Variants in KCNH8 observed in about 807,000 individuals in gnomAD.
KCNH8 encodes the protein potassium voltage-gated channel subfamily H member 8.
A neutral mutation model predicts 103.6 loss-of-function variants in KCNH8; 70 were observed. That is an observed-to-expected ratio of 0.68 (90% CI 0.56 to 0.82). KCNH8 has a LOEUF of 0.82. KCNH8 is among the 40% of genes least tolerant of loss of function. KCNH8 has a pLI of 0.00. For missense variants in KCNH8, 1,217 were observed against 1,329.9 expected, an observed-to-expected ratio of 0.92 and a Z score of 1.32; for synonymous variants, 498 against 489.4, an observed-to-expected ratio of 1.02 and a Z score of -0.23.
intron 1 of KCNH8, among the ~76,000 whole-genome samples, chr3:19,151,786 C>G (rs2063132873): frequency 6.6e-6 from 1 of 151,738 alleles, no homozygotes; most frequent in Non-Finnish European, 1.5e-5. Flanking sequence ...GATTGAAAGA[C>G]ACTTGTGGAT....
chr3:19,341,543 T>C (rs1245502274), intron 3 of KCNH8, among the ~76,000 whole-genome samples: 2 of 152,100 alleles, frequency 1.3e-5, no homozygotes, highest in Non-Finnish European at 2.9e-5. Context: ...AAGCAACAAA[T>C]TGGGAACATT....
chr3:19,189,991 A>G (rs902903967), intron 1 of KCNH8, among the ~76,000 whole-genome samples: 4 of 151,978 alleles, frequency 2.6e-5, no homozygotes, highest in East Asian at 1.9e-4. Context: ...GTTGGTGATT[A>G]TTTGATCAGT....
intron 11 of KCNH8, among the ~76,000 whole-genome samples, chr3:19,485,073 T>G (rs1200622849): frequency 6.6e-6 from 1 of 152,216 alleles, no homozygotes; most frequent in Non-Finnish European, 1.5e-5. Flanking sequence ...TCCGGAACTC[T>G]GAGGTCGGTA....
At chr3:19,457,896 T>G in intron 11 of KCNH8, among the ~76,000 whole-genome samples, 1 of 152,018 alleles carries the variant, frequency 6.6e-6, no homozygotes, top group East Asian at 1.9e-4. Flanking sequence ...ACAGTAAGTA[T>G]GTAGATAATA....
At chr3:19,436,040 C>T (rs2067194537) in intron 7 of KCNH8, among the ~76,000 whole-genome samples, 1 of 152,012 alleles carries the variant, frequency 6.6e-6, no homozygotes, top group South Asian at 2.1e-4. Context: ...GGTAACTATG[C>T]AATCGAAAAA....
chr3:19,440,410 A>G (rs561312350), intron 8 of KCNH8, among the ~76,000 whole-genome samples: 1 of 152,272 alleles, frequency 6.6e-6, no homozygotes, highest in South Asian at 2.1e-4. Flanking sequence ...GGTTTAATGG[A>G]TTCACGGTTC....
intron 11 of KCNH8, among the ~76,000 whole-genome samples, chr3:19,507,827 T>C (rs2068721637): frequency 6.6e-6 from 1 of 152,186 alleles, no homozygotes; most frequent in South Asian, 2.1e-4. Flanking sequence ...GGGCAAGGGC[T>C]GCAAGACAGC....
chr3:19,210,858 C>A (rs1483921851), intron 1 of KCNH8, among the ~76,000 whole-genome samples: 1 of 152,060 alleles, frequency 6.6e-6, no homozygotes, highest in East Asian at 1.9e-4. Context: ...AATATTGGAC[C>A]CTGAAAGTAT....
intron 7 of KCNH8, 87 bp downstream of exon 7, chr3:19,395,398 A>G (rs1199739946): frequency 3.6e-6 from 3 of 830,430 alleles, no homozygotes; most frequent in South Asian, 1.7e-5. Flanking sequence ...AGATAAGTCT[A>G]TAAATATATT....
chr3:19,276,756 A>G (rs1464574123), intron 2 of KCNH8, among the ~76,000 whole-genome samples: 1 of 152,158 alleles, frequency 6.6e-6, no homozygotes, highest in Non-Finnish European at 1.5e-5. Flanking sequence ...AATTATAAAT[A>G]TTAGCAAAAA....
At chr3:19,479,478 CA>C (rs1559347536) in intron 11 of KCNH8, among the ~76,000 whole-genome samples, 1 of 152,144 alleles carries the variant, frequency 6.6e-6, no homozygotes, top group Non-Finnish European at 1.5e-5. Context: ...AGGCCATCCT[CA>C]AAAAATCTCT....
At chr3:19,340,259 A>G (rs1198237717) in intron 3 of KCNH8, among the ~76,000 whole-genome samples, 1 of 152,018 alleles carries the variant, frequency 6.6e-6, no homozygotes, top group Non-Finnish European at 1.5e-5. Context: ...AATAGTAGAG[A>G]GATTTTATGA....
chr3:19,517,808 G>A (rs1229929561), intron 14 of KCNH8, among the ~76,000 whole-genome samples, 190 bp from the exon 15 acceptor site: 2 of 152,010 alleles, frequency 1.3e-5, no homozygotes, highest in African/African-American at 4.8e-5. Flanking sequence ...TGTGTGTCCA[G>A]AGAGTATATC....
chr3:19,186,573 C>T (rs1467897601), intron 1 of KCNH8, among the ~76,000 whole-genome samples: 2 of 151,842 alleles, frequency 1.3e-5, no homozygotes, highest in Non-Finnish European at 2.9e-5. Context: ...AAGACATATT[C>T]TTTGATGTGT....
At chr3:19,196,016 A>T (rs893136573) in intron 1 of KCNH8, among the ~76,000 whole-genome samples, 13 of 151,960 alleles carry the variant, frequency 8.6e-5, no homozygotes, top group Admixed American at 5.9e-4. Flanking sequence ...TTCCTTTTTT[A>T]AAAAAATTAA....
intron 8 of KCNH8, among the ~76,000 whole-genome samples, chr3:19,442,175 T>C (rs1417966482): frequency 6.6e-6 from 1 of 152,194 alleles, no homozygotes; most frequent in Non-Finnish European, 1.5e-5. Context: ...AGAGCTACAA[T>C]GTGCCAGGCC....
intron 11 of KCNH8, among the ~76,000 whole-genome samples, chr3:19,471,247 CA>C (rs1453491225): frequency 6.6e-6 from 1 of 152,178 alleles, no homozygotes; most frequent in Admixed American, 6.5e-5. Context: ...TTTGCATATG[CA>C]CACACATACC....
chr3:19,397,351 C>T (rs2066535407), intron 7 of KCNH8, among the ~76,000 whole-genome samples: 1 of 151,642 alleles, frequency 6.6e-6, no homozygotes, highest in African/African-American at 2.4e-5. Context: ...GTCAGATTTG[C>T]AATATTTTTT....
chr3:19,234,966 G>C (rs1361340232), intron 1 of KCNH8, among the ~76,000 whole-genome samples: 3 of 152,176 alleles, frequency 2.0e-5, no homozygotes, highest in African/African-American at 7.2e-5. Flanking sequence ...GAAGTAGCTG[G>C]GTAAATAATT....
Sources: allele counts gnomAD v4.1 joint callset (sites outside exome capture counted in the v4.1 genomes callset), GRCh38; gene constraint gnomAD v4.1.1; transcripts MANE v1.5; gene names NCBI Gene and HGNC (gene_info 2026-07-23, HGNC 2026-07-21).